Variants in FBLN5 observed in about 807,000 individuals in gnomAD.
FBLN5 encodes the protein fibulin 5, also known as fibulin-5.
In FBLN5, 24 loss-of-function variants were observed where a neutral mutation model predicts 61.6. That is an observed-to-expected ratio of 0.39 (90% CI 0.28 to 0.55). The LOEUF (loss-of-function observed/expected upper bound fraction) is 0.55, where lower values mean the gene tolerates loss of function less well. Among genes scored for constraint, FBLN5 ranks in the 20% least tolerant of loss-of-function variants. The pLI is 0.65. For synonymous variants in FBLN5, 213 were observed against 219.8 expected, an observed-to-expected ratio of 0.97 and a Z score of 0.27; for missense variants, 470 against 594.1, an observed-to-expected ratio of 0.79 and a Z score of 2.17.
rs544730251 is a variant in FBLN5 at position 91,902,406 on chromosome 14, G to T, written c.380-7334C>A. Among the ~76,000 whole-genome samples, 9 of 151,690 alleles carry T rather than the reference G, an allele frequency of 5.9e-5. No individual in the cohort carries two copies. The South Asian group carries it at 1.7e-3, about 28-fold the overall frequency. Reference sequence around the variant, plus strand: ...AATTTTTGCCATTTGTCTATCGACAGAAATTTTGGAATCTTTAGAAGCCAG... The same window carrying T: ...AATTTTTGCCATTTGTCTATCGACATAAATTTTGGAATCTTTAGAAGCCAG... On this transcript the variant is annotated intron_variant, in intron 4 of 10. Transcript: ENST00000342058.
At chr14:91,946,415 T>C (rs1458123989) in intron 1 of FBLN5, among the ~76,000 whole-genome samples, 1 of 152,018 alleles carries the variant, frequency 6.6e-6, no homozygotes, top group Non-Finnish European at 1.5e-5. Context: ...TGCCTCAGCC[T>C]GAAACACAAG....
At chr14:91,945,729 C>T (rs921387755) in intron 1 of FBLN5, among the ~76,000 whole-genome samples, 1 of 152,130 alleles carries the variant, frequency 6.6e-6, no homozygotes, top group Non-Finnish European at 1.5e-5. Context: ...TTTATCGAGT[C>T]CCCAATCCAA....
At chr14:91,900,444 A>G (rs1890406376) in intron 4 of FBLN5, among the ~76,000 whole-genome samples, 1 of 152,244 alleles carries the variant, frequency 6.6e-6, no homozygotes, top group Non-Finnish European at 1.5e-5. Flanking sequence ...TTCTAACAGA[A>G]ATAAAATGTC....
rs1434983982 is a variant in FBLN5, at chr14:91,902,289, T to G, written c.380-7217A>C. On this transcript the variant is annotated intron_variant, in intron 4 of 10. Transcript: ENST00000342058. ...TTTTTGTTTGTTTGTTTGTTTTTTT[T>G]TTTTTTTTTTCAAAAAGCCATGAGG... 7.2e-5 allele frequency among the ~76,000 whole-genome samples: 11 copies of G among 151,752 alleles called. No individual in the cohort carries two copies. The South Asian group carries it at 8.3e-4, about 11-fold the overall frequency.
Position 91,941,170 on chromosome 14 carries a change from T to C in FBLN5, c.73-554A>G, listed in dbSNP as rs538224974. On this transcript the variant is annotated intron_variant, in intron 2 of 10. Coordinates refer to ENST00000342058, the MANE Select transcript of FBLN5 (RefSeq NM_006329.4). ...TACCTCGCCTTCAGAGTGTCGAATA[T>C]GAGTTATTTGCCCCCATGAAATCCT... Among the ~76,000 whole-genome samples, 8 of 152,256 alleles carry C rather than the reference T, an allele frequency of 5.3e-5. No homozygotes were observed. In the East Asian group the frequency reaches 5.8e-4, roughly 11 times the overall value.
At chr14:91,874,999 T>A (rs1889101895) in intron 10 of FBLN5, among the ~76,000 whole-genome samples, 1 of 152,058 alleles carries the variant, frequency 6.6e-6, no homozygotes, top group Non-Finnish European at 1.5e-5. Context: ...GCTAATTTTT[T>A]AATCTTTTTT....
chr14:91,942,397 C>A (rs1338841005), intron 2 of FBLN5, among the ~76,000 whole-genome samples: 1 of 152,230 alleles, frequency 6.6e-6, no homozygotes, highest in Non-Finnish European at 1.5e-5. Context: ...TCTGTGGCAA[C>A]ACATGCAGAC....
intron 4 of FBLN5, 105 bp from the exon 5 acceptor site, chr14:91,895,177 G>T: frequency 7.2e-6 from 10 of 1,396,138 alleles, no homozygotes; most frequent in Non-Finnish European, 1.0e-5. Flanking sequence ...AGTTAATAAG[G>T]TCACTAGGTT....
At chr14:91,914,477 C>CAA (rs57302887) in intron 4 of FBLN5, among the ~76,000 whole-genome samples, 45 of 58,546 alleles carry the variant, frequency 7.7e-4, no homozygotes, top group East Asian at 1.6e-3. Flanking sequence ...GACTCTGTCT[C>CAA]AAAAAAAAAA....
At chr14:91,924,049 G>A (rs1448615696) in intron 4 of FBLN5, among the ~76,000 whole-genome samples, 1 of 152,196 alleles carries the variant, frequency 6.6e-6, no homozygotes, top group Non-Finnish European at 1.5e-5. Flanking sequence ...TCGCCAGGGG[G>A]TGATGATATC....
chr14:91,894,623 G>A (rs1005823000), intron 5 of FBLN5, among the ~76,000 whole-genome samples: 1 of 152,062 alleles, frequency 6.6e-6, no homozygotes, highest in Non-Finnish European at 1.5e-5. Flanking sequence ...TCGGGAGGCT[G>A]AGGCAGGAGA....
chr14:91,943,063 G>T lies in FBLN5; in HGVS notation c.18-102C>A. On this transcript the variant is annotated intron_variant, in intron 1 of 10. Transcript: ENST00000342058. This position sits in a 1 kb window ranked among gnomAD's most constrained non-coding sequence, Gnocchi z 4.0. Reference sequence around the variant, plus strand: ...TGACGTGTAACGGTGATATCACCTTGGGCTTGTATGGGGTGGGGTGTGCTC... The same window carrying T: ...TGACGTGTAACGGTGATATCACCTTTGGCTTGTATGGGGTGGGGTGTGCTC... 1 of 788,002 alleles carries T rather than the reference G, an allele frequency of 1.3e-6. No homozygotes were observed. The highest frequency in any genetic ancestry group is 2.2e-6 in the Non-Finnish European group (1 of 451,906). The allele number at this position is 788,002 out of a possible 1,614,324, so 48.8% of individuals were successfully genotyped here. A position where few individuals can be genotyped will look rare whatever the true frequency, so the allele number is the denominator to read the frequency against.
intron 4 of FBLN5, among the ~76,000 whole-genome samples, chr14:91,899,014 G>A (rs565124253): frequency 3.9e-4 from 60 of 152,074 alleles, no homozygotes; most frequent in African/African-American, 1.4e-3. Context: ...ATGTTAGCCA[G>A]GATGGTCTCT....
chr14:91,885,548 C>A (rs1306930627), intron 7 of FBLN5, among the ~76,000 whole-genome samples: 1 of 152,120 alleles, frequency 6.6e-6, no homozygotes, highest in East Asian at 1.9e-4. Flanking sequence ...GGAGCTGGGC[C>A]ACCCTCTGGG....
At chr14:91,894,292 A>C (rs1246125200) in intron 5 of FBLN5, among the ~76,000 whole-genome samples, 1 of 149,670 alleles carries the variant, frequency 6.7e-6, no homozygotes, top group Non-Finnish European at 1.5e-5. Context: ...CCAGCTACTC[A>C]CTCAGGAGGC....
intron 7 of FBLN5, among the ~76,000 whole-genome samples, chr14:91,883,782 C>T (rs927061413): frequency 6.6e-5 from 10 of 152,104 alleles, no homozygotes; most frequent in Non-Finnish European, 1.3e-4. Flanking sequence ...ACCTCGGATC[C>T]TCCCTGGGAC....
rs528057403 is a variant in FBLN5, at chr14:91,889,324, C to A, written c.619+1897G>T. 6.6e-5 allele frequency among the ~76,000 whole-genome samples: 10 copies of A among 152,354 alleles called. No homozygotes were observed. The East Asian group carries it at 9.6e-4, about 15-fold the overall frequency. On this transcript the variant is annotated intron_variant, in intron 6 of 10. Coordinates refer to ENST00000342058, the MANE Select transcript of FBLN5 (RefSeq NM_006329.4). Reference sequence around the variant, plus strand: ...TGAATGAACTCATTCCACCCCCTCACCGCTCTCAGCTGCTTCTGAAGAGCA... The same window carrying A: ...TGAATGAACTCATTCCACCCCCTCAACGCTCTCAGCTGCTTCTGAAGAGCA...
chr14:91,878,074 A>C, intron 9 of FBLN5: 1 of 411,666 alleles, frequency 2.4e-6, no homozygotes. Context: ...GAAAGAAAGA[A>C]ATTTTTAAAG....
chr14:91,869,879 C>T lies in FBLN5; in HGVS notation c.*345G>A, dbSNP rs1003927195. On this transcript the variant is annotated 3_prime_UTR_variant, in exon 11 of 11. Transcript: ENST00000342058. ...TGAAGAAGTGACAGCAAGCTGTTCACAGTCTTTGAACATAGACTCAGACCC... is the reference window on the plus strand; with the variant it reads ...TGAAGAAGTGACAGCAAGCTGTTCATAGTCTTTGAACATAGACTCAGACCC... The T allele has an allele frequency of 1.1e-5, 4 of 350,826 alleles. No individual in the cohort carries two copies. Among genetic ancestry groups the T allele is most frequent in the African/African-American group, 6.4e-5 (3 of 46,914 alleles). 21.7% of individuals were successfully genotyped at this position (350,826 alleles called of 1,614,324 possible). A position where few individuals can be genotyped will look rare whatever the true frequency, so the allele number is the denominator to read the frequency against.
Sources: gnomAD v4.1 joint callset for allele counts (sites outside exome capture counted in the v4.1 genomes callset) on GRCh38, gnomAD v4.1.1 for gene constraint, Gnocchi (gnomAD v3.1) non-coding constraint, MANE v1.5 for transcripts, NCBI Gene and HGNC (gene_info 2026-07-23, HGNC 2026-07-21) for gene names.